Variants in APBA1 observed in about 807,000 individuals in gnomAD.
APBA1 encodes amyloid-beta A4 precursor protein-binding family A member 1.
In APBA1, 55 loss-of-function variants were observed where a neutral mutation model predicts 86.6. The observed-to-expected ratio is 0.64, with a 90% confidence interval of 0.51 to 0.80. APBA1 has a LOEUF of 0.80. Ranked by LOEUF, APBA1 falls within the 30% of genes least tolerant of loss-of-function variation. The probability of loss-of-function intolerance (pLI) is 0.00; values close to 1 mark genes in which losing one functional copy is unlikely to be tolerated. For synonymous variants in APBA1, 511 were observed against 493.9 expected, an observed-to-expected ratio of 1.03 and a Z score of -0.46; for missense variants, 1,090 against 1,183.0, an observed-to-expected ratio of 0.92 and a Z score of 1.15.
chr9:69,514,816 A>G (rs1047608920), intron 2 of APBA1, among the ~76,000 whole-genome samples: 5 of 152,088 alleles, frequency 3.3e-5, no homozygotes, highest in African/African-American at 1.2e-4. Flanking sequence ...AGACTGAGGT[A>G]GAATTGCTTG....
chr9:69,671,316 G>A (rs1823944129), intron 1 of APBA1, among the ~76,000 whole-genome samples: 1 of 152,126 alleles, frequency 6.6e-6, no homozygotes, highest in Non-Finnish European at 1.5e-5. Context: ...AGGATGGAAG[G>A]CCCCTTCAAA....
chr9:69,501,610 C>T (rs915773898), intron 2 of APBA1, among the ~76,000 whole-genome samples: 1 of 148,872 alleles, frequency 6.7e-6, no homozygotes, highest in Admixed American at 6.7e-5. Flanking sequence ...GGCAACATAA[C>T]AAGACTCTGT....
Position 69,471,638 on chromosome 9 carries a change from T to C in APBA1, c.1336+18A>G, listed in dbSNP as rs1262672418. 6.2e-7 allele frequency: 1 copy of C among 1,610,220 alleles called. No individual in the cohort carries two copies. Among genetic ancestry groups the C allele is most frequent in the Non-Finnish European group, 8.5e-7 (1 of 1,176,740 alleles). Reference sequence around the variant, plus strand: ...TCATGAATGACTCAGTGCTCAGTATTTTCTTTTCAGCTCTTACCTTCAACG... The same window carrying C: ...TCATGAATGACTCAGTGCTCAGTATCTTCTTTTCAGCTCTTACCTTCAACG... On this transcript the variant is annotated intron_variant, in intron 4 of 12. Transcript: ENST00000265381.
intron 1 of APBA1, among the ~76,000 whole-genome samples, chr9:69,550,107 A>G (rs934694261): frequency 2.0e-5 from 3 of 152,146 alleles, no homozygotes; most frequent in African/African-American, 7.2e-5. Context: ...TCTGTATTGG[A>G]CCTTATAATC....
intron 1 of APBA1, among the ~76,000 whole-genome samples, chr9:69,653,015 A>C (rs1823537255): frequency 4.1e-5 from 1 of 24,248 alleles, no homozygotes; most frequent in South Asian, 2.2e-3. Context: ...AAAAACAAGC[A>C]AAAAAAAAAC....
intron 1 of APBA1, among the ~76,000 whole-genome samples, chr9:69,638,735 T>C (rs1276058178): frequency 6.6e-6 from 1 of 152,176 alleles, no homozygotes; most frequent in Non-Finnish European, 1.5e-5. Flanking sequence ...CAAGATAAAG[T>C]TGGTGTCTGT....
intron 1 of APBA1, among the ~76,000 whole-genome samples, chr9:69,537,058 T>G (rs1303724999): frequency 6.7e-6 from 1 of 150,050 alleles, no homozygotes; most frequent in Non-Finnish European, 1.5e-5. Flanking sequence ...TATATATATG[T>G]ATATATATAT....
intron 1 of APBA1, among the ~76,000 whole-genome samples, chr9:69,600,798 A>G (rs1822334728): frequency 7.0e-6 from 1 of 143,178 alleles, no homozygotes; most frequent in African/African-American, 2.7e-5. Flanking sequence ...CTTCGTCTCA[A>G]AAAATAATAA....
intron 1 of APBA1, among the ~76,000 whole-genome samples, chr9:69,639,773 T>C (rs1354260547): frequency 1.3e-5 from 2 of 152,222 alleles, no homozygotes; most frequent in African/African-American, 4.8e-5. Context: ...ACCAGAGAGT[T>C]GACAAGTGTT....
chr9:69,476,457 A>G (rs187631494), intron 2 of APBA1, among the ~76,000 whole-genome samples: 81 of 152,360 alleles, frequency 5.3e-4, no homozygotes, highest in African/African-American at 1.3e-3. Flanking sequence ...TGAGCTAAGG[A>G]TATTACACAA....
intron 1 of APBA1, among the ~76,000 whole-genome samples, chr9:69,650,358 G>C (rs894211605): frequency 6.6e-6 from 1 of 152,206 alleles, no homozygotes; most frequent in African/African-American, 2.4e-5. Flanking sequence ...GTTACTTGGT[G>C]TTTTAAAGAT....
intron 1 of APBA1, among the ~76,000 whole-genome samples, chr9:69,540,758 C>T (rs887819871): frequency 6.6e-6 from 1 of 152,072 alleles, no homozygotes; most frequent in African/African-American, 2.4e-5. Flanking sequence ...ACTACCGCAC[C>T]CGGCTAATTT....
At chr9:69,481,921 T>C (rs1222523592) in intron 2 of APBA1, among the ~76,000 whole-genome samples, 1 of 151,698 alleles carries the variant, frequency 6.6e-6, no homozygotes, top group African/African-American at 2.4e-5. Context: ...TAGCCATATG[T>C]AGAAAGCTGA....
At chr9:69,652,984 G>A (rs1247078143) in intron 1 of APBA1, among the ~76,000 whole-genome samples, 2 of 149,462 alleles carry the variant, frequency 1.3e-5, no homozygotes, top group African/African-American at 4.9e-5. Context: ...GTGACAGAGT[G>A]AGACTCCAAC....
chr9:69,566,561 G>A (rs1470651758), intron 1 of APBA1, among the ~76,000 whole-genome samples: 1 of 152,156 alleles, frequency 6.6e-6, no homozygotes, highest in Admixed American at 6.5e-5. Context: ...TCTGCTCAAT[G>A]ATTTCGCATC....
intron 2 of APBA1, among the ~76,000 whole-genome samples, chr9:69,505,961 G>C (rs938236704): frequency 4.6e-5 from 7 of 151,878 alleles, no homozygotes; most frequent in African/African-American, 1.7e-4. Flanking sequence ...GGAGGTTGCA[G>C]TGAGCCAAGA....
chr9:69,472,125 T>TTTTGG, intron 3 of APBA1, among the ~76,000 whole-genome samples: 1 of 152,350 alleles, frequency 6.6e-6, no homozygotes, highest in Non-Finnish European at 1.5e-5. Flanking sequence ...GCCACAGTGA[T>TTTTGG]CTCTCACTGT....
chr9:69,433,217 C>T (rs1834636066), intron 11 of APBA1, among the ~76,000 whole-genome samples: 1 of 152,232 alleles, frequency 6.6e-6, no homozygotes, highest in African/African-American at 2.4e-5. Flanking sequence ...AAACTCCCTT[C>T]CCACAGAAAA....
At chr9:69,526,475 C>T (rs1836344571) in intron 1 of APBA1, among the ~76,000 whole-genome samples, 1 of 152,038 alleles carries the variant, frequency 6.6e-6, no homozygotes, top group South Asian at 2.1e-4. Flanking sequence ...AAAAAATGTT[C>T]AATATCACTA....
Sources: allele counts gnomAD v4.1 joint callset (sites outside exome capture counted in the v4.1 genomes callset), GRCh38; gene constraint gnomAD v4.1.1; transcripts MANE v1.5; gene names NCBI Gene and HGNC (gene_info 2026-07-23, HGNC 2026-07-21).